Variants in ANO3 observed in about 807,000 individuals in gnomAD.
ANO3 encodes anoctamin-3.
ANO3 carries 99 observed loss-of-function variants against 144.8 expected under a neutral mutation model. The observed-to-expected ratio is 0.68, with a 90% confidence interval of 0.58 to 0.81. The LOEUF (loss-of-function observed/expected upper bound fraction) is 0.81. ANO3 is among the 30% of genes least tolerant of loss of function. ANO3 has a pLI of 0.00. For missense variants in ANO3, 905 were observed against 1,202.2 expected, an observed-to-expected ratio of 0.75 and a Z score of 3.66; for synonymous variants, 414 against 392.6, an observed-to-expected ratio of 1.05 and a Z score of -0.64.
intron 1 of ANO3, among the ~76,000 whole-genome samples, chr11:26,302,779 T>C (rs1472431303): frequency 6.6e-6 from 1 of 152,182 alleles, no homozygotes; most frequent in Non-Finnish European, 1.5e-5. Flanking sequence ...TATATATGTG[T>C]TTAGAAATTA....
intron 11 of ANO3, among the ~76,000 whole-genome samples, chr11:26,544,167 A>C (rs1849716820): frequency 6.8e-6 from 1 of 147,870 alleles, no homozygotes; most frequent in Admixed American, 6.8e-5. Context: ...TATTTCACTA[A>C]AGTTAATGTC....
chr11:26,490,356 T>A (rs895478020), intron 4 of ANO3, among the ~76,000 whole-genome samples: 1 of 152,218 alleles, frequency 6.6e-6, no homozygotes, highest in African/African-American at 2.4e-5. Context: ...TGTGTCTTTA[T>A]CAGCAGTGTG....
chr11:26,322,841 T>C (rs1394831138), intron 1 of ANO3, among the ~76,000 whole-genome samples: 1 of 152,078 alleles, frequency 6.6e-6, no homozygotes, highest in East Asian at 1.9e-4. Context: ...GAATAGGGAG[T>C]TATGCTTCTC....
At chr11:26,365,135 C>T (rs565069444) in intron 1 of ANO3, among the ~76,000 whole-genome samples, 1 of 152,342 alleles carries the variant, frequency 6.6e-6, no homozygotes, top group African/African-American at 2.4e-5. Context: ...TGAAACACAG[C>T]AGGGCACTCA....
At chr11:26,293,530 CATGTATATAT>C (rs755338730) in intron 1 of ANO3, among the ~76,000 whole-genome samples, 4,196 of 62,346 alleles carry the variant, frequency 0.067, 360 homozygotes, top group Admixed American at 0.11. Flanking sequence ...CTATAAATTC[CATGTATATAT>C]ATATATATAT....
intron 1 of ANO3, among the ~76,000 whole-genome samples, chr11:26,205,371 C>A (rs1356718495): frequency 6.6e-6 from 1 of 152,096 alleles, no homozygotes; most frequent in Non-Finnish European, 1.5e-5. Flanking sequence ...TCCCATTTTA[C>A]AAATGTGGAA....
chr11:26,502,645 A>G (rs1384421966), intron 4 of ANO3, among the ~76,000 whole-genome samples: 1 of 152,056 alleles, frequency 6.6e-6, no homozygotes, highest in East Asian at 1.9e-4. Flanking sequence ...TTCTGGATAC[A>G]CTCTGACATT....
chr11:26,188,880 T>C (rs1851425295), exon 1 of ANO3, among the ~76,000 whole-genome samples: 1 of 152,130 alleles, frequency 6.6e-6, no homozygotes, highest in South Asian at 2.1e-4. Context: ...CACTGCAGCC[T>C]CTCTGAGATG....
intron 1 of ANO3, among the ~76,000 whole-genome samples, chr11:26,344,342 A>G (rs1855444490): frequency 6.6e-6 from 1 of 150,668 alleles, no homozygotes; most frequent in Non-Finnish European, 1.5e-5. Flanking sequence ...AGTACATTCA[A>G]ATTTCCTTAC....
intron 1 of ANO3, among the ~76,000 whole-genome samples, chr11:26,361,442 T>G (rs1855922796): frequency 6.6e-6 from 1 of 152,242 alleles, no homozygotes; most frequent in Non-Finnish European, 1.5e-5. Flanking sequence ...GAAATGTGAT[T>G]TAATTGCCTT....
intron 1 of ANO3, among the ~76,000 whole-genome samples, chr11:26,383,584 A>T (rs1856644319): frequency 6.6e-6 from 1 of 152,190 alleles, no homozygotes; most frequent in Non-Finnish European, 1.5e-5. Flanking sequence ...ACTTACATGT[A>T]AAAAGTCAGA....
At chr11:26,420,485 CT>C (rs1466575206) in intron 1 of ANO3, among the ~76,000 whole-genome samples, 1 of 152,016 alleles carries the variant, frequency 6.6e-6, no homozygotes, top group African/African-American at 2.4e-5. Context: ...ACTGTAGCTA[CT>C]GTTTAGGTTT....
intron 19 of ANO3, 78 bp from the exon 20 acceptor site, chr11:26,634,935 C>T (rs76197575): frequency 1.7e-6 from 2 of 1,157,360 alleles, no homozygotes; most frequent in East Asian, 4.7e-5. Flanking sequence ...CCCACACATG[C>T]ACTCGTTGTG....
chr11:26,541,835 T>C (rs1849652403), intron 10 of ANO3, 112 bp from the exon 11 acceptor site: 2 of 1,005,168 alleles, frequency 2.0e-6, no homozygotes, highest in Non-Finnish European at 2.8e-6. Context: ...TTTATCATTT[T>C]TGAAGCTTTC....
intron 1 of ANO3, among the ~76,000 whole-genome samples, chr11:26,223,430 A>C (rs1308549213): frequency 6.6e-6 from 1 of 152,030 alleles, no homozygotes; most frequent in Non-Finnish European, 1.5e-5. Flanking sequence ...ACAAGTCTCT[A>C]GGAAGCTCTA....
At chr11:26,294,208 A>T (rs1033492993) in intron 1 of ANO3, among the ~76,000 whole-genome samples, 5 of 152,214 alleles carry the variant, frequency 3.3e-5, no homozygotes, top group Non-Finnish European at 7.3e-5. Context: ...TCCTGAAAAT[A>T]TGATGATTGC....
intron 1 of ANO3, among the ~76,000 whole-genome samples, chr11:26,344,368 C>CTTTTT (rs10683178): frequency 7.2e-6 from 1 of 137,984 alleles, no homozygotes; most frequent in Non-Finnish European, 1.5e-5. Flanking sequence ...AAAATATTGT[C>CTTTTT]TTTTTTTTTT....
At chr11:26,494,762 G>C (rs570716076) in intron 4 of ANO3, among the ~76,000 whole-genome samples, 1 of 152,160 alleles carries the variant, frequency 6.6e-6, no homozygotes, top group Non-Finnish European at 1.5e-5. Flanking sequence ...TGACCCATAA[G>C]TTCCTAGCAT....
chr11:26,447,232 G>T (rs112045279), intron 3 of ANO3, among the ~76,000 whole-genome samples: 1 of 1,088 alleles, frequency 9.2e-4, no homozygotes, highest in African/African-American at 1.2e-3. Flanking sequence ...AAAAAAAGGT[G>T]GGGGGGGGTA....
Sources: gnomAD v4.1 joint callset for allele counts (sites outside exome capture counted in the v4.1 genomes callset) on GRCh38, gnomAD v4.1.1 for gene constraint, MANE v1.5 for transcripts, NCBI Gene and HGNC (gene_info 2026-07-23, HGNC 2026-07-21) for gene names.